Variants in ZC3H3 observed in about 807,000 individuals in gnomAD.
The protein encoded by ZC3H3 is zinc finger CCCH-type containing 3.
A neutral mutation model predicts 77.3 loss-of-function variants in ZC3H3; 36 were observed. The observed-to-expected ratio is 0.47, with a 90% CI of 0.36 to 0.61. The LOEUF (loss-of-function observed/expected upper bound fraction) is 0.61, where lower values mean the gene tolerates loss of function less well. Among genes scored for constraint, ZC3H3 ranks in the 20% least tolerant of loss-of-function variants. The pLI is 0.00. For synonymous variants in ZC3H3, 626 were observed against 555.2 expected (o/e 1.13, Z -1.79); for missense variants, 1,331 against 1,312.2 (o/e 1.01, Z -0.22).
At position 143,468,462 on chromosome 8, in the gene ZC3H3, G is replaced by A. The variant is rs1472915751; in HGVS notation, c.2025C>T (p.Tyr675=). ...GGTTGCACCTGCCGAAGCGGTTGTA[G>A]TACATGCAGTACTCCTTCCTCTTCT... ...RREKRKEYCM[Y]YNRFGRCNRG... is the part of the protein sequence containing the mutation. Residue 675 remains tyrosine (Y), a synonymous_variant, in exon 7 of 12, where the codon TAC becomes TAT. Transcript: ENST00000262577. 3.7e-6 allele frequency: 6 copies of A among 1,609,626 alleles called. No individual in the cohort carries two copies. Among genetic ancestry groups the A allele is most frequent in the Non-Finnish European group, 5.1e-6 (6 of 1,178,730 alleles).
chr8:143,500,801 G>A (rs985244116), intron 4 of ZC3H3, among the ~76,000 whole-genome samples: 7 of 144,646 alleles, frequency 4.8e-5, no homozygotes, highest in African/African-American at 1.0e-4. Flanking sequence ...TCCCCACACC[G>A]TCACGTCACA....
intron 4 of ZC3H3, among the ~76,000 whole-genome samples, chr8:143,500,461 G>A (rs373759398): frequency 1.3e-5 from 2 of 152,368 alleles, no homozygotes; most frequent in African/African-American, 4.8e-5. Context: ...AGGATGAGGC[G>A]GGCAGGGCGT....
rs57658017 is a variant in ZC3H3, at chr8:143,491,360, C to A, written c.1716-15775G>T. Among the ~76,000 whole-genome samples, 9 of 152,330 alleles carry A rather than the reference C, an allele frequency of 5.9e-5. No homozygotes were observed. The East Asian group carries it at 1.5e-3, about 26-fold the overall frequency. The stretch of plus-strand genomic sequence containing the variant: ...CCACACGGAACCACGCTGTGGCCTG[C>A]GGTTCCGCCAAGGTGGCAGCAGCAT... On this transcript the variant is annotated intron_variant, in intron 4 of 11. Transcript: ENST00000262577.
chr8:143,478,722 C>T (rs1296469479), intron 4 of ZC3H3, among the ~76,000 whole-genome samples: 1 of 152,250 alleles, frequency 6.6e-6, no homozygotes, highest in African/African-American at 2.4e-5. Flanking sequence ...ATTGGCCAAG[C>T]TGGTCTCGAA....
At chr8:143,439,189 C>T (rs949232964) in intron 11 of ZC3H3, among the ~76,000 whole-genome samples, 7 of 151,788 alleles carry the variant, frequency 4.6e-5, no homozygotes, top group East Asian at 1.9e-4. Flanking sequence ...ATGGAGGGAG[C>T]GGGTGCCCAG....
At chr8:143,492,144 G>T (rs1821222828) in intron 4 of ZC3H3, among the ~76,000 whole-genome samples, 1 of 152,220 alleles carries the variant, frequency 6.6e-6, no homozygotes, top group South Asian at 2.1e-4. Flanking sequence ...GGACCAAAGG[G>T]TGGAGGCCTA....
chr8:143,494,356 G>A lies in ZC3H3; in HGVS notation c.1715+13390C>T, dbSNP rs181517022. On this transcript the variant is annotated intron_variant, in intron 4 of 11. Transcript: ENST00000262577. The surrounding 1 kb of genome is among the most constrained non-coding windows in gnomAD (Gnocchi z 5.3). ...CAGGCTACGGGACCGGTGGCAGCCC[G>A]CCAGCCCTCCCTCTGAGCAGGCCCC... Among the ~76,000 whole-genome samples, 243 of 152,330 alleles carry A rather than the reference G, an allele frequency of 1.6e-3. 9 individuals carry two copies. The East Asian group carries it at 0.043, about 27-fold the overall frequency.
intron 3 of ZC3H3, among the ~76,000 whole-genome samples, chr8:143,515,351 C>T (rs1053500117): frequency 6.6e-6 from 1 of 152,122 alleles, no homozygotes; most frequent in Admixed American, 6.5e-5. Context: ...GCCCCTGGGG[C>T]GCAGCGAGGG....
intron 4 of ZC3H3, among the ~76,000 whole-genome samples, chr8:143,503,429 C>T (rs1427273336): frequency 2.6e-5 from 4 of 152,150 alleles, no homozygotes; most frequent in African/African-American, 4.8e-5. Flanking sequence ...CTCTGCCTTC[C>T]ATCTGACAAC....
chr8:143,498,915 G>GGCAGGGCAGGGGGT (rs1821439803), intron 4 of ZC3H3, among the ~76,000 whole-genome samples: 1 of 136,144 alleles, frequency 7.3e-6, no homozygotes, highest in African/African-American at 2.8e-5. Flanking sequence ...AGGGGCACAG[G>GGCAGGGCAGGGGGT]ACGGGGCAGA....
chr8:143,451,041 A>G (rs1429014857), intron 9 of ZC3H3, among the ~76,000 whole-genome samples: 1 of 152,168 alleles, frequency 6.6e-6, no homozygotes, highest in Non-Finnish European at 1.5e-5. Context: ...AAACCACCAG[A>G]GAAGGCCTGT....
intron 4 of ZC3H3, among the ~76,000 whole-genome samples, chr8:143,504,317 G>C (rs115433719): frequency 2.7e-4 from 41 of 152,338 alleles, no homozygotes; most frequent in African/African-American, 9.4e-4. Context: ...CAGCCAAGGG[G>C]AGGGGACGGG....
intron 3 of ZC3H3, among the ~76,000 whole-genome samples, chr8:143,520,042 G>A (rs545036794): frequency 2.0e-5 from 3 of 152,296 alleles, no homozygotes; most frequent in East Asian, 3.9e-4. Context: ...CTTCCCACAC[G>A]AAGGCACAAT....
rs548040584 is a variant in ZC3H3, at chr8:143,528,387, T to G, written c.1561+7870A>C. 2.0e-4 allele frequency among the ~76,000 whole-genome samples: 30 copies of G among 152,256 alleles called. 2 individuals are homozygous for G. The South Asian group carries it at 5.8e-3, about 29-fold the overall frequency. On this transcript the variant is annotated intron_variant, in intron 3 of 11. Coordinates refer to ENST00000262577, the MANE Select transcript of ZC3H3 (RefSeq NM_015117.3). ...AGGCAGCGACAGACACCCTCCACGG[T>G]CAAGCTTCCATCCTCAGGCTCTGTG... is the stretch of plus-strand genomic sequence containing the variant.
At chr8:143,497,458 G>A (rs1563861229) in intron 4 of ZC3H3, among the ~76,000 whole-genome samples, 1 of 152,190 alleles carries the variant, frequency 6.6e-6, no homozygotes, top group Non-Finnish European at 1.5e-5. Context: ...GCAGCCTGGG[G>A]TCCACATGGG....
rs78256919 is a variant in ZC3H3, at chr8:143,533,500, C to A, written c.1561+2757G>T. ...GCTGCCTGTCTCCACCACTGGAAGG[C>A]GGCTCCAGCCTCATCATCTCTTCAC... On this transcript the variant is annotated intron_variant, in intron 3 of 11. Transcript: ENST00000262577. This position sits in a 1 kb window ranked among gnomAD's most constrained non-coding sequence, Gnocchi z 4.0. Among the ~76,000 whole-genome samples, 73 of 152,224 alleles carry A rather than the reference C, an allele frequency of 4.8e-4. No individual in the cohort carries two copies. The East Asian group carries it at 0.012, about 24-fold the overall frequency.
chr8:143,490,929 T>C (rs1299932580), intron 4 of ZC3H3, among the ~76,000 whole-genome samples: 3 of 152,072 alleles, frequency 2.0e-5, no homozygotes, highest in African/African-American at 4.8e-5. Flanking sequence ...CAAATAAATA[T>C]TGACTATGTA....
At chr8:143,486,319 CA>C (rs750271183) in intron 4 of ZC3H3, among the ~76,000 whole-genome samples, 22 of 152,370 alleles carry the variant, frequency 1.4e-4, no homozygotes, top group South Asian at 4.1e-4. Context: ...GCTACGACAA[CA>C]GAAACACACT....
At chr8:143,486,615 A>T in intron 4 of ZC3H3, among the ~76,000 whole-genome samples, 1 of 152,176 alleles carries the variant, frequency 6.6e-6, no homozygotes, top group East Asian at 1.9e-4. Flanking sequence ...CAGTCCATGA[A>T]AAGTGATGAA....
Sources: allele counts gnomAD v4.1 joint callset (sites outside exome capture counted in the v4.1 genomes callset), GRCh38; gene constraint gnomAD v4.1.1; non-coding constraint Gnocchi (gnomAD v3.1); transcripts MANE v1.5; gene names NCBI Gene and HGNC (gene_info 2026-07-23, HGNC 2026-07-21).